Variants in PDE9A observed in about 807,000 individuals in gnomAD.
PDE9A encodes the protein phosphodiesterase 9A.
PDE9A carries 60 observed loss-of-function variants against 87.4 expected under a neutral mutation model. The ratio of observed to expected loss-of-function variants is 0.69; its 90% CI spans 0.56 to 0.85. The LOEUF (loss-of-function observed/expected upper bound fraction) is 0.85. PDE9A is among the 40% of genes least tolerant of loss of function. The pLI, the probability that PDE9A is intolerant of heterozygous loss-of-function variation, is 0.00. For synonymous variants in PDE9A, 272 were observed against 279.4 expected (o/e 0.97, Z 0.27); for missense variants, 665 against 779.0 (o/e 0.85, Z 1.74).
chr21:42,662,268 G>C (rs568801851), intron 1 of PDE9A, among the ~76,000 whole-genome samples: 1 of 152,040 alleles, frequency 6.6e-6, no homozygotes, highest in South Asian at 2.1e-4. Flanking sequence ...TCCCACTATC[G>C]TCCCCAGCAC....
rs545826981 is a variant in PDE9A, at chr21:42,768,892, TCTTA to T, written c.1462-132_1462-129del. On this transcript the variant is annotated intron_variant, in intron 16 of 19. Transcript: ENST00000291539. ...GAAGATAGGGTCACCTTCTCCTTGT[TCTTA>T]CTGAGACACATTTGTGGTGTGGTTT... 334 of 1,487,082 alleles carry T rather than the reference TCTTA, an allele frequency of 2.2e-4. 2 individuals carry two copies. In the African/African-American group the frequency reaches 3.7e-3, roughly 16 times the overall value. 92.1% of individuals were successfully genotyped at this position (1,487,082 alleles called of 1,614,324 possible). A position where few individuals can be genotyped will look rare whatever the true frequency, so the allele number is the denominator to read the frequency against.
intron 1 of PDE9A, among the ~76,000 whole-genome samples, chr21:42,667,431 T>C (rs1273018313): frequency 6.6e-6 from 1 of 152,174 alleles, no homozygotes; most frequent in Admixed American, 6.5e-5. Context: ...GAATTCTATT[T>C]GGCAGGTGGC....
At chr21:42,673,965 G>A (rs1245632220) in intron 1 of PDE9A, among the ~76,000 whole-genome samples, 1 of 152,338 alleles carries the variant, frequency 6.6e-6, no homozygotes, top group South Asian at 2.1e-4. Context: ...TGAACGTGTC[G>A]ATATTTAGGT....
chr21:42,748,659 G>C (rs929214917), intron 8 of PDE9A, among the ~76,000 whole-genome samples: 1 of 152,142 alleles, frequency 6.6e-6, no homozygotes, highest in African/African-American at 2.4e-5. Flanking sequence ...CTGGACACGA[G>C]GCCTTCTAGA....
In PDE9A at chr21:42,751,172, G is replaced by T; in HGVS notation, c.710G>T (p.Arg237Leu). The T allele has an allele frequency of 6.2e-7, 1 of 1,612,638 alleles. No individual in the cohort carries two copies. Among genetic ancestry groups the T allele is most frequent in the Non-Finnish European group, 8.5e-7 (1 of 1,178,802 alleles). ...GATAACCACAAGAAGTTGACTCCTC[G>T]ACGCGATGTTCCCACTTACCCCAAG... The part of the protein sequence containing the change: ...FLDNHKKLTP[R>L]RDVPTYPKYL... The change falls in exon 9 of 20, where the codon CGA becomes CTA. Residue 237 changes from arginine to leucine, a missense_variant. Coordinates refer to ENST00000291539, the MANE Select transcript of PDE9A (RefSeq NM_002606.3).
At chr21:42,703,528 G>T (rs558322189) in intron 4 of PDE9A, among the ~76,000 whole-genome samples, 67 of 152,386 alleles carry the variant, frequency 4.4e-4, no homozygotes, top group African/African-American at 1.4e-3. Context: ...AGGCGAGATG[G>T]CTGTGCTCAG....
intron 1 of PDE9A, among the ~76,000 whole-genome samples, chr21:42,683,839 C>T (rs2269139): frequency 0.1 from 15,660 of 152,218 alleles, 904 homozygotes; most frequent in East Asian, 0.21. Context: ...GATCATCCCC[C>T]GTGCACTCTG....
chr21:42,703,363 C>T (rs1490918365), intron 4 of PDE9A, among the ~76,000 whole-genome samples: 3 of 152,178 alleles, frequency 2.0e-5, no homozygotes, highest in African/African-American at 7.2e-5. Flanking sequence ...AGGCCTGAGC[C>T]GGACGGAGAC....
At chr21:42,718,598 T>C (rs1385797896) in intron 4 of PDE9A, among the ~76,000 whole-genome samples, 1 of 151,754 alleles carries the variant, frequency 6.6e-6, no homozygotes. Context: ...ATATTATATT[T>C]TAAAATTCTA....
chr21:42,756,076 G>T (rs1175735503), intron 10 of PDE9A, among the ~76,000 whole-genome samples: 1 of 152,228 alleles, frequency 6.6e-6, no homozygotes, highest in Non-Finnish European at 1.5e-5. Context: ...CTGGCAGGTG[G>T]GCAAGGCAGA....
At chr21:42,769,973 C>A (rs181960435) in intron 17 of PDE9A, among the ~76,000 whole-genome samples, 1 of 152,200 alleles carries the variant, frequency 6.6e-6, no homozygotes, top group Non-Finnish European at 1.5e-5. Context: ...CCTCACCCAT[C>A]GCTGCCGGCC....
At chr21:42,707,259 C>T (rs756840176) in intron 4 of PDE9A, among the ~76,000 whole-genome samples, 3 of 152,200 alleles carry the variant, frequency 2.0e-5, no homozygotes, top group African/African-American at 4.8e-5. Context: ...CCGGATGCTG[C>T]GGGTGTGCCA....
intron 1 of PDE9A, among the ~76,000 whole-genome samples, chr21:42,684,305 G>A (rs1341635529): frequency 6.6e-6 from 1 of 152,198 alleles, no homozygotes; most frequent in Non-Finnish European, 1.5e-5. Context: ...GACCCCCAAA[G>A]TAAGTCCGCC....
rs537972061 is a variant in PDE9A at position 42,740,275 on chromosome 21, C to A, written c.569-3501C>A. 1.8e-3 allele frequency among the ~76,000 whole-genome samples: 272 copies of A among 152,096 alleles called. 2 individuals carry two copies. Among genetic ancestry groups the A allele is most frequent in the African/African-American group, 5.2e-3 (217 of 41,500 alleles). On this transcript the variant is annotated intron_variant, in intron 7 of 19. Coordinates refer to ENST00000291539, the MANE Select transcript of PDE9A (RefSeq NM_002606.3). ...CCTGGGCAACATGGCAAAACCCCAT[C>A]TCTACAAAAAATACAAAAATTAGCC...
At chr21:42,668,148 C>T (rs2284957) in intron 1 of PDE9A, among the ~76,000 whole-genome samples, 6,703 of 152,180 alleles carry the variant, frequency 0.044, 383 homozygotes, top group East Asian at 0.32. Flanking sequence ...AAACTGGGCT[C>T]GAAGGGGCTG....
intron 4 of PDE9A, among the ~76,000 whole-genome samples, chr21:42,715,212 A>G (rs951325568): frequency 8.8e-6 from 1 of 113,794 alleles, no homozygotes; most frequent in African/African-American, 4.0e-5. Flanking sequence ...TTTTTTTACA[A>G]TTGATAGACT....
rs111823533 is a variant in PDE9A at position 42,699,839 on chromosome 21, G to A, written c.262+828G>A. Among the ~76,000 whole-genome samples the A allele has an allele frequency of 5.0e-3, 758 of 152,220 alleles. 6 individuals carry two copies. Among genetic ancestry groups the A allele is most frequent in the African/African-American group, 0.017 (689 of 41,528 alleles). On this transcript the variant is annotated intron_variant, in intron 4 of 19. Transcript: ENST00000291539. ...CTCCCAAAGTGCTAGGATTACAGGC[G>A]TGAGCCACAGCACCCAGCCTAGAAT... is the stretch of plus-strand genomic sequence containing the variant.
chr21:42,686,818 A>G (rs1208003372), intron 2 of PDE9A, among the ~76,000 whole-genome samples: 3 of 152,052 alleles, frequency 2.0e-5, no homozygotes, highest in Non-Finnish European at 4.4e-5. Flanking sequence ...CCGCCTCAAA[A>G]TAAATAAATA....
chr21:42,680,638 G>A (rs1423482795), intron 1 of PDE9A, among the ~76,000 whole-genome samples: 1 of 152,228 alleles, frequency 6.6e-6, no homozygotes. Flanking sequence ...ACCGTGAGCT[G>A]AGCCAGGAAT....
Sources: gnomAD v4.1 joint callset for allele counts (sites outside exome capture counted in the v4.1 genomes callset) on GRCh38, gnomAD v4.1.1 for gene constraint, MANE v1.5 for transcripts, NCBI Gene and HGNC (gene_info 2026-07-23, HGNC 2026-07-21) for gene names.